Variants in COL21A1 observed in about 807,000 individuals in gnomAD.
The protein encoded by COL21A1 is collagen alpha-1(XXI) chain.
A neutral mutation model predicts 137.9 loss-of-function variants in COL21A1; 149 were observed. That is an observed-to-expected ratio of 1.08 (90% confidence interval 0.95 to 1.24). The LOEUF (loss-of-function observed/expected upper bound fraction) is 1.24, where lower values mean the gene tolerates loss of function less well. Ranked by LOEUF, COL21A1 falls within the 50% of genes most tolerant of loss-of-function variation. COL21A1 has a pLI of 0.00. For missense variants in COL21A1, 1,167 were observed against 1,158.4 expected (o/e 1.01, Z -0.11); for synonymous variants, 456 against 391.5 (o/e 1.16, Z -1.95).
chr6:56,331,535 G>T (rs1320420098), intron 1 of COL21A1, among the ~76,000 whole-genome samples: 1 of 137,218 alleles, frequency 7.3e-6, no homozygotes, highest in Non-Finnish European at 1.6e-5. Context: ...TGAAAAGGAT[G>T]TCCTTTCCCC....
chr6:56,245,857 C>T (rs531794802), intron 1 of COL21A1, among the ~76,000 whole-genome samples: 1 of 152,206 alleles, frequency 6.6e-6, no homozygotes, highest in South Asian at 2.1e-4. Context: ...CACAAATTGG[C>T]ACAGAAAAAA....
chr6:56,165,907 T>TTCAC (rs770723364), intron 7 of COL21A1, among the ~76,000 whole-genome samples: 7 of 105,714 alleles, frequency 6.6e-5, no homozygotes, highest in African/African-American at 2.1e-4. Flanking sequence ...GGGGATTGAT[T>TTCAC]ACACACACAC....
At chr6:56,306,197 C>A (rs578239526) in intron 1 of COL21A1, among the ~76,000 whole-genome samples, 1 of 141,110 alleles carries the variant, frequency 7.1e-6, no homozygotes, top group Non-Finnish European at 1.5e-5. Context: ...GTGAATCTGA[C>A]AATTATGTGT....
rs190170635 is a variant in COL21A1, at chr6:56,137,975, T to A, written c.1542+3810A>T. Reference sequence around the variant, plus strand: ...AAAGGACACTCAACAATGCCTAATATCAGAGAATATTTAGGGAGGGCAAAG... The same window carrying A: ...AAAGGACACTCAACAATGCCTAATAACAGAGAATATTTAGGGAGGGCAAAG... On this transcript the variant is annotated intron_variant, in intron 12 of 29. Coordinates refer to ENST00000244728, the MANE Select transcript of COL21A1 (RefSeq NM_030820.4). 7.9e-5 allele frequency among the ~76,000 whole-genome samples: 12 copies of A among 152,240 alleles called. No individual in the cohort carries two copies. The East Asian group carries it at 1.9e-3, about 24-fold the overall frequency.
intron 10 of COL21A1, among the ~76,000 whole-genome samples, chr6:56,152,182 C>T (rs1775380744): frequency 6.6e-6 from 1 of 152,108 alleles, no homozygotes; most frequent in Non-Finnish European, 1.5e-5. Flanking sequence ...TTCCCTTTTC[C>T]AGCTTCTAGA....
At chr6:56,085,986 A>T (rs1208360303) in intron 17 of COL21A1, among the ~76,000 whole-genome samples, 1 of 148,826 alleles carries the variant, frequency 6.7e-6, no homozygotes, top group Non-Finnish European at 1.5e-5. Flanking sequence ...TATTATATAT[A>T]AAAATATCTA....
At chr6:56,293,104 A>T (rs189420719) in intron 1 of COL21A1, among the ~76,000 whole-genome samples, 1 of 152,222 alleles carries the variant, frequency 6.6e-6, no homozygotes, top group Admixed American at 6.5e-5. Context: ...TTGAGTTTGC[A>T]TTGAATCTAC....
At chr6:56,393,829 C>A (rs1403168301) in intron 1 of COL21A1, 1 of 152,172 alleles carries the variant, frequency 6.6e-6, no homozygotes, top group African/African-American at 2.4e-5. Context: ...CAATACAGGC[C>A]ACAGGAGTAG....
At chr6:56,261,276 T>C (rs992820209) in intron 1 of COL21A1, among the ~76,000 whole-genome samples, 10 of 152,096 alleles carry the variant, frequency 6.6e-5, no homozygotes, top group African/African-American at 2.4e-4. Context: ...ACCCGAATCA[T>C]GCTCCTGGTC....
At chr6:56,280,542 C>T (rs920954565) in intron 1 of COL21A1, among the ~76,000 whole-genome samples, 5 of 152,024 alleles carry the variant, frequency 3.3e-5, no homozygotes, top group Non-Finnish European at 5.9e-5. Flanking sequence ...GTGAGTAAAG[C>T]GCTACCAGAA....
chr6:56,124,512 C>T (rs1049147811), intron 14 of COL21A1, among the ~76,000 whole-genome samples: 4 of 152,160 alleles, frequency 2.6e-5, no homozygotes, highest in Non-Finnish European at 2.9e-5. Flanking sequence ...TCATTACAAG[C>T]ATCTAAACAT....
At chr6:56,192,581 A>G (rs1428902597) in intron 1 of COL21A1, among the ~76,000 whole-genome samples, 1 of 152,254 alleles carries the variant, frequency 6.6e-6, no homozygotes, top group Non-Finnish European at 1.5e-5. Flanking sequence ...CAAGCATATG[A>G]AAAAAGCTCA....
At chr6:56,372,259 T>C (rs1019319614) in intron 1 of COL21A1, among the ~76,000 whole-genome samples, 2 of 152,212 alleles carry the variant, frequency 1.3e-5, no homozygotes, top group Non-Finnish European at 2.9e-5. Flanking sequence ...ATGGATTTCA[T>C]GCTCTCATTA....
chr6:56,349,906 T>C (rs1582798358), intron 1 of COL21A1, among the ~76,000 whole-genome samples: 1 of 152,112 alleles, frequency 6.6e-6, no homozygotes, highest in Admixed American at 6.5e-5. Flanking sequence ...TGGGACATCA[T>C]TAGGAACCAA....
chr6:56,307,337 A>T (rs1168545387), intron 1 of COL21A1, among the ~76,000 whole-genome samples: 1 of 152,158 alleles, frequency 6.6e-6, no homozygotes, highest in Non-Finnish European at 1.5e-5. Flanking sequence ...TCTACAGAGG[A>T]AGGCAGGCCT....
chr6:56,293,334 T>C (rs1764096652), intron 1 of COL21A1, among the ~76,000 whole-genome samples: 1 of 152,202 alleles, frequency 6.6e-6, no homozygotes, highest in Non-Finnish European at 1.5e-5. Flanking sequence ...TCACATGTTT[T>C]ATGAGTCATG....
At chr6:56,348,377 AT>A (rs1207966990) in intron 1 of COL21A1, among the ~76,000 whole-genome samples, 1 of 152,178 alleles carries the variant, frequency 6.6e-6, no homozygotes, top group East Asian at 1.9e-4. Context: ...CCTCTTTTTC[AT>A]TTCACTTTCT....
intron 12 of COL21A1, among the ~76,000 whole-genome samples, chr6:56,131,619 C>T (rs1998699): frequency 0.57 from 86,054 of 151,704 alleles, 24,713 homozygotes; most frequent in East Asian, 0.79. Context: ...GACAGTGTGA[C>T]GCATGAAAAG....
upstream of COL21A1, among the ~76,000 whole-genome samples, chr6:56,247,954 G>C (rs1306592282): frequency 6.6e-6 from 1 of 152,206 alleles, no homozygotes; most frequent in Non-Finnish European, 1.5e-5. Context: ...CCCCCCTCTG[G>C]GGCGCCAAGG....
Sources: gnomAD v4.1 joint callset for allele counts (sites outside exome capture counted in the v4.1 genomes callset) on GRCh38, gnomAD v4.1.1 for gene constraint, MANE v1.5 for transcripts, NCBI Gene and HGNC (gene_info 2026-07-23, HGNC 2026-07-21) for gene names.